Variants in NLN observed in about 807,000 individuals in gnomAD.
NLN encodes neurolysin, also known as neurolysin, mitochondrial.
NLN carries 64 observed loss-of-function variants against 79.9 expected under a neutral mutation model. That is an observed-to-expected ratio of 0.80 (90% CI 0.65 to 0.99). NLN has a LOEUF of 0.99. Among genes scored for constraint, NLN ranks in the 50% least tolerant of loss-of-function variants. NLN has a pLI of 0.00. For missense variants in NLN, 835 were observed against 858.7 expected (o/e 0.97, Z 0.34); for synonymous variants, 267 against 296.6 (o/e 0.90, Z 1.02).
chr5:65,806,808 C>T (rs1018904195), intron 9 of NLN, among the ~76,000 whole-genome samples: 1 of 152,130 alleles, frequency 6.6e-6, no homozygotes, highest in Non-Finnish European at 1.5e-5. Context: ...CTAACAGCAT[C>T]GCATGCTACC....
intron 7 of NLN, 163 bp downstream of exon 7, chr5:65,786,073 G>T: frequency 1.8e-6 from 1 of 547,568 alleles, no homozygotes; most frequent in Non-Finnish European, 3.1e-6. Flanking sequence ...TGGTTGTAGG[G>T]ACTGCTTATT....
At chr5:65,730,961 A>C (rs1758591484) in intron 1 of NLN, among the ~76,000 whole-genome samples, 1 of 152,224 alleles carries the variant, frequency 6.6e-6, no homozygotes, top group East Asian at 1.9e-4. Flanking sequence ...ATTTCAGTGG[A>C]GTACAATGAT....
At chr5:65,804,297 G>A (rs1760358422) in intron 9 of NLN, among the ~76,000 whole-genome samples, 1 of 152,156 alleles carries the variant, frequency 6.6e-6, no homozygotes, top group African/African-American at 2.4e-5. Flanking sequence ...GGAGATAATA[G>A]TTACTTCATA....
At chr5:65,803,278 T>G (rs1395731320) in intron 9 of NLN, among the ~76,000 whole-genome samples, 6 of 152,180 alleles carry the variant, frequency 3.9e-5, no homozygotes, top group Non-Finnish European at 8.8e-5. Flanking sequence ...CTGTTTATGG[T>G]GCCCAGGCTG....
intron 1 of NLN, among the ~76,000 whole-genome samples, chr5:65,754,400 A>G (rs1759173462): frequency 6.6e-6 from 1 of 152,146 alleles, no homozygotes; most frequent in African/African-American, 2.4e-5. Context: ...GAGGGTAGGG[A>G]CAGCTACCTT....
At chr5:65,801,144 A>G (rs533146253) in intron 9 of NLN, among the ~76,000 whole-genome samples, 3 of 152,310 alleles carry the variant, frequency 2.0e-5, no homozygotes, top group South Asian at 4.1e-4. Context: ...GCTACAAAAA[A>G]TATTTGTTAA....
intron 12 of NLN, among the ~76,000 whole-genome samples, chr5:65,816,369 G>A (rs1204992136): frequency 2.0e-5 from 3 of 152,130 alleles, no homozygotes; most frequent in Non-Finnish European, 2.9e-5. Flanking sequence ...GCACACACTG[G>A]GGCCTTTTGG....
At chr5:65,737,063 C>T (rs1758743238) in intron 1 of NLN, among the ~76,000 whole-genome samples, 1 of 152,172 alleles carries the variant, frequency 6.6e-6, no homozygotes, top group African/African-American at 2.4e-5. Flanking sequence ...CATGATCATG[C>T]TGCTGCACTC....
intron 12 of NLN, among the ~76,000 whole-genome samples, chr5:65,819,884 G>A (rs1357893190): frequency 6.6e-6 from 1 of 151,950 alleles, no homozygotes; most frequent in Non-Finnish European, 1.5e-5. Flanking sequence ...TTACCAAAAT[G>A]ACTCTTAAAC....
intron 1 of NLN, among the ~76,000 whole-genome samples, chr5:65,754,517 A>T (rs1476815369): frequency 6.6e-6 from 1 of 152,182 alleles, no homozygotes; most frequent in African/African-American, 2.4e-5. Context: ...ATATCTAACC[A>T]TCTACTGCAC....
intron 3 of NLN, among the ~76,000 whole-genome samples, chr5:65,767,228 G>A (rs1386682921): frequency 1.3e-5 from 2 of 152,212 alleles, no homozygotes; most frequent in Non-Finnish European, 2.9e-5. Context: ...TGCCCCCGCA[G>A]CAGACTTCTG....
chr5:65,801,734 G>A (rs929524733), intron 9 of NLN, among the ~76,000 whole-genome samples: 20 of 152,066 alleles, frequency 1.3e-4, no homozygotes, highest in East Asian at 5.8e-4. Flanking sequence ...TAGAATAAGC[G>A]CTCTCTTCTC....
chr5:65,738,926 GTGTATATATATTTTTTATATATGTT>G (rs145175456), intron 1 of NLN, among the ~76,000 whole-genome samples: 4,664 of 125,664 alleles, frequency 0.037, 89 homozygotes, highest in Middle Eastern at 0.039. Flanking sequence ...ATATATATGT[GTGTATATATATTTTTTATATATGTT>G]TATATATATG....
intron 1 of NLN, among the ~76,000 whole-genome samples, chr5:65,739,301 C>CA: frequency 6.6e-6 from 1 of 152,016 alleles, no homozygotes; most frequent in East Asian, 1.9e-4. Context: ...TGGCTTATTT[C>CA]AGTTAACACT....
At chr5:65,786,919 A>C (rs922913602) in intron 7 of NLN, among the ~76,000 whole-genome samples, 3 of 152,154 alleles carry the variant, frequency 2.0e-5, no homozygotes, top group Non-Finnish European at 1.5e-5. Flanking sequence ...TGGATTTGTC[A>C]CTTACTAGAA....
chr5:65,741,543 C>A (rs919035597), intron 1 of NLN, among the ~76,000 whole-genome samples: 6 of 152,080 alleles, frequency 3.9e-5, no homozygotes, highest in African/African-American at 1.4e-4. Context: ...CACTAACAAG[C>A]CTAAGTATTA....
intron 1 of NLN, among the ~76,000 whole-genome samples, chr5:65,757,104 G>T (rs1231763794): frequency 2.6e-5 from 4 of 152,054 alleles, no homozygotes; most frequent in Admixed American, 6.6e-5. Context: ...GAATGTCAGG[G>T]TCTAAGACAA....
intron 1 of NLN, among the ~76,000 whole-genome samples, chr5:65,734,623 C>T (rs1758687365): frequency 6.6e-6 from 1 of 151,832 alleles, no homozygotes; most frequent in African/African-American, 2.4e-5. Context: ...AAGAGGAAGT[C>T]CTCATATTTC....
intron 12 of NLN, among the ~76,000 whole-genome samples, chr5:65,817,323 A>G (rs765180674): frequency 5.3e-5 from 8 of 152,208 alleles, no homozygotes; most frequent in Non-Finnish European, 8.8e-5. Flanking sequence ...TCTCATTGTC[A>G]GACATACTTT....
Sources: gnomAD v4.1 joint callset for allele counts (sites outside exome capture counted in the v4.1 genomes callset) on GRCh38, gnomAD v4.1.1 for gene constraint, MANE v1.5 for transcripts, NCBI Gene and HGNC (gene_info 2026-07-23, HGNC 2026-07-21) for gene names.